VTI1A: variants seen among roughly 807,000 people sequenced by gnomAD.
The protein encoded by VTI1A is vesicle transport through interaction with t-SNAREs homolog 1A.
Under a neutral mutation model 34.9 loss-of-function variants are expected in VTI1A, and 22 were observed. The observed-to-expected ratio is 0.63, with a 90% CI of 0.45 to 0.90. VTI1A has a LOEUF of 0.90. VTI1A is among the 40% of genes least tolerant of loss of function. VTI1A has a pLI of 0.00. For synonymous variants in VTI1A, 87 were observed against 97.3 expected, an observed-to-expected ratio of 0.89 and a Z score of 0.62; for missense variants, 268 against 275.6, an observed-to-expected ratio of 0.97 and a Z score of 0.20.
chr10:112,680,916 G>T (rs942296398), intron 7 of VTI1A, among the ~76,000 whole-genome samples: 1 of 152,134 alleles, frequency 6.6e-6, no homozygotes, highest in African/African-American at 2.4e-5. Context: ...GCAAACAGTG[G>T]TGATGGTGTT....
chr10:112,805,274 A>G (rs149704222), intron 7 of VTI1A, among the ~76,000 whole-genome samples: 51 of 152,252 alleles, frequency 3.3e-4, no homozygotes, highest in African/African-American at 1.1e-3. Flanking sequence ...ACATTTTTAA[A>G]TGGTTGAAAA....
intron 5 of VTI1A, among the ~76,000 whole-genome samples, chr10:112,584,849 GGAGA>G (rs1844085687): frequency 6.6e-6 from 1 of 152,176 alleles, no homozygotes. Context: ...TTCTCTCTAT[GGAGA>G]GAGATAGTGA....
chr10:112,787,662 A>G (rs1465666351), intron 7 of VTI1A, among the ~76,000 whole-genome samples: 1 of 148,810 alleles, frequency 6.7e-6, no homozygotes, highest in Non-Finnish European at 1.5e-5. Flanking sequence ...AATACTTAGG[A>G]CTTACCAAAT....
chr10:112,667,650 G>A lies in VTI1A; in HGVS notation c.428-568G>A, dbSNP rs530630019. Among the ~76,000 whole-genome samples, 32 of 152,244 alleles carry A rather than the reference G, an allele frequency of 2.1e-4. No individual in the cohort carries two copies. The South Asian group carries it at 5.8e-3, about 28-fold the overall frequency. Reference sequence around the variant, plus strand: ...TGCACCTCACCTTGAGTTGACTCAAGTACCTACAGCCACTGGTAACACGTT... The same window carrying A: ...TGCACCTCACCTTGAGTTGACTCAAATACCTACAGCCACTGGTAACACGTT... On this transcript the variant is annotated intron_variant, in intron 5 of 7. Coordinates refer to ENST00000393077, the MANE Select transcript of VTI1A (RefSeq NM_145206.4).
At chr10:112,605,800 G>T (rs1279750136) in intron 5 of VTI1A, among the ~76,000 whole-genome samples, 3 of 152,190 alleles carry the variant, frequency 2.0e-5, no homozygotes, top group Non-Finnish European at 2.9e-5. Flanking sequence ...GAACACAGGG[G>T]TATGGGAATT....
chr10:112,576,277 C>T (rs1843709256), intron 5 of VTI1A, among the ~76,000 whole-genome samples: 1 of 151,302 alleles, frequency 6.6e-6, no homozygotes. Flanking sequence ...CGCTCGGCCT[C>T]CCAAAGTGCT....
chr10:112,553,082 C>G (rs550520854), intron 5 of VTI1A, among the ~76,000 whole-genome samples: 8 of 152,324 alleles, frequency 5.3e-5, no homozygotes, highest in Non-Finnish European at 1.0e-4. Flanking sequence ...TTTGTGTCTT[C>G]TACATAAAAA....
chr10:112,604,847 C>A (rs189376427), intron 5 of VTI1A, among the ~76,000 whole-genome samples: 29 of 152,144 alleles, frequency 1.9e-4, no homozygotes, highest in Admixed American at 1.8e-3. Context: ...TACAGTTTTA[C>A]TCACTTAGGT....
At chr10:112,737,645 T>C (rs1026627619) in intron 7 of VTI1A, 1 of 1,050,690 alleles carries the variant, frequency 9.5e-7, no homozygotes, top group Non-Finnish European at 1.1e-6. Context: ...AACACAGGGG[T>C]ACCTCAAAAA....
intron 7 of VTI1A, among the ~76,000 whole-genome samples, chr10:112,805,856 C>T (rs1853055077): frequency 6.6e-6 from 1 of 152,200 alleles, no homozygotes; most frequent in Non-Finnish European, 1.5e-5. Flanking sequence ...TGACCTTGGA[C>T]TTCTGGCCTC....
intron 5 of VTI1A, among the ~76,000 whole-genome samples, chr10:112,616,468 A>G (rs1213770608): frequency 6.6e-6 from 1 of 152,210 alleles, no homozygotes; most frequent in African/African-American, 2.4e-5. Flanking sequence ...TCTGGAGGAA[A>G]GCATCCCTAA....
chr10:112,827,211 G>A, the VTI1A span: 1 of 152,194 alleles, frequency 6.6e-6, no homozygotes, highest in Non-Finnish European at 1.5e-5. Context: ...AACTGAGATC[G>A]GCTAATTAAT....
At chr10:112,496,204 C>T (rs953866284) in intron 3 of VTI1A, among the ~76,000 whole-genome samples, 10 of 125,570 alleles carry the variant, frequency 8.0e-5, no homozygotes, top group Non-Finnish European at 1.3e-4. Context: ...CCCCCCCCGC[C>T]GTCTCTAAAC....
intron 1 of VTI1A, among the ~76,000 whole-genome samples, chr10:112,448,077 T>G (rs1198679133): frequency 6.6e-6 from 1 of 152,212 alleles, no homozygotes; most frequent in East Asian, 1.9e-4. Flanking sequence ...TTAAACAGAC[T>G]TCTTAGTCTC....
At chr10:112,574,710 TA>T (rs1049206192) in intron 5 of VTI1A, among the ~76,000 whole-genome samples, 2 of 152,236 alleles carry the variant, frequency 1.3e-5, no homozygotes, top group African/African-American at 4.8e-5. Flanking sequence ...TATTAGGCAC[TA>T]GGAGCAACAT....
chr10:112,545,138 C>T (rs1030467284), intron 5 of VTI1A, among the ~76,000 whole-genome samples: 2 of 152,200 alleles, frequency 1.3e-5, no homozygotes, highest in Non-Finnish European at 2.9e-5. Flanking sequence ...CGTGAAGATA[C>T]AGGAAAAATT....
chr10:112,713,836 G>A (rs996146403), intron 7 of VTI1A, among the ~76,000 whole-genome samples: 1 of 152,164 alleles, frequency 6.6e-6, no homozygotes, highest in Admixed American at 6.5e-5. Context: ...GGGGGAAAAT[G>A]CTGCTCTGGT....
At chr10:112,485,937 T>A (rs1475237240) in intron 3 of VTI1A, among the ~76,000 whole-genome samples, 1 of 152,248 alleles carries the variant, frequency 6.6e-6, no homozygotes. Flanking sequence ...TATATTTTTC[T>A]GATTTTTAAA....
intron 5 of VTI1A, among the ~76,000 whole-genome samples, chr10:112,604,172 C>G (rs1844986046): frequency 2.0e-5 from 3 of 152,120 alleles, no homozygotes; most frequent in African/African-American, 2.4e-5. Flanking sequence ...GCCACACTGC[C>G]TGGTTTTACA....
Sources: gnomAD v4.1 joint callset for allele counts (sites outside exome capture counted in the v4.1 genomes callset) on GRCh38, gnomAD v4.1.1 for gene constraint, MANE v1.5 for transcripts, NCBI Gene and HGNC (gene_info 2026-07-23, HGNC 2026-07-21) for gene names.